The following HNRNPF variants were observed in gnomAD, a reference collection of about 807,000 sequenced individuals.
HNRNPF encodes HnRNP F protein.
HNRNPF carries 2 observed loss-of-function variants against 26.0 expected under a neutral mutation model. That is an observed-to-expected ratio of 0.08 (90% confidence interval 0.03 to 0.24). The LOEUF is 0.24. Among genes scored for constraint, HNRNPF ranks in the 10% least tolerant of loss-of-function variants. The probability of loss-of-function intolerance (pLI) is 1.00; values close to 1 mark genes in which losing one functional copy is unlikely to be tolerated. For missense variants in HNRNPF, 299 were observed against 539.2 expected, an observed-to-expected ratio of 0.55 and a Z score of 4.41; for synonymous variants, 234 against 211.5, an observed-to-expected ratio of 1.11 and a Z score of -0.92.
chr10:43,402,125 T>TAA (rs879636534), intron 1 of HNRNPF, among the ~76,000 whole-genome samples: 2 of 145,842 alleles, frequency 1.4e-5, no homozygotes, highest in African/African-American at 2.5e-5. Flanking sequence ...TTACAAAACT[T>TAA]AAAAAAAAAA....
chr10:43,387,699 T>C lies in HNRNPF; in HGVS notation c.186A>G (p.Gly62=), dbSNP rs1588986441. Residue 62 remains glycine (G), a synonymous_variant, in exon 4 of 4, where the codon GGA becomes GGG. Coordinates refer to ENST00000682386, the MANE Select transcript of HNRNPF (RefSeq NM_001098204.2). This position sits in a 1 kb window ranked among gnomAD's most constrained non-coding sequence, Gnocchi z 6.0. ...GGGCCATTTTTACATCATCTTCTGA[T>C]CCAAGTTCAACAAAAGCCTCACCAC... is the stretch of plus-strand genomic sequence containing the variant. ...RQSGEAFVEL[G]SEDDVKMALK... The C allele has an allele frequency of 6.2e-7, 1 of 1,614,088 alleles. No homozygotes were observed. Among genetic ancestry groups the C allele is most frequent in the South Asian group, 1.1e-5 (1 of 91,072 alleles).
At chr10:43,405,438 C>G (rs1303001908) in intron 1 of HNRNPF, among the ~76,000 whole-genome samples, 3 of 152,240 alleles carry the variant, frequency 2.0e-5, no homozygotes, top group Admixed American at 2.0e-4. Context: ...CGGCGGATCA[C>G]GAGGTCAGGA....
chr10:43,389,830 G>A (rs1008250036), intron 3 of HNRNPF, among the ~76,000 whole-genome samples: 4 of 152,216 alleles, frequency 2.6e-5, no homozygotes, highest in Admixed American at 1.3e-4. Flanking sequence ...GAACATGGAA[G>A]CCTCTGGGAA....
chr10:43,389,303 A>G (rs1045686148), intron 3 of HNRNPF, among the ~76,000 whole-genome samples: 7 of 152,158 alleles, frequency 4.6e-5, no homozygotes, highest in Admixed American at 3.3e-4. Context: ...GTCATTTTAC[A>G]TCAAGCATAA....
chr10:43,388,725 G>A (rs1215325203), intron 3 of HNRNPF, among the ~76,000 whole-genome samples: 23 of 152,210 alleles, frequency 1.5e-4, no homozygotes, highest in Admixed American at 1.5e-3. Context: ...GCAATCGCAA[G>A]AGGGCTGAGA....
In HNRNPF at chr10:43,396,597, C is replaced by G. The variant is rs975106488; in HGVS notation, c.-246-7G>C. 1 of 152,212 alleles carries G rather than the reference C, an allele frequency of 6.6e-6. No individual in the cohort carries two copies. The highest frequency in any genetic ancestry group is 1.5e-5 in the Non-Finnish European group (1 of 68,054). 9.4% of individuals were successfully genotyped at this position (152,212 alleles called of 1,614,324 possible). A position where few individuals can be genotyped will look rare whatever the true frequency, so the allele number is the denominator to read the frequency against. ...GCATGTTTTTGTTCTCAACCTGCAACAGAAATCCAAGTGGTGGTGGGGTCC... is the reference window on the plus strand; with the variant it reads ...GCATGTTTTTGTTCTCAACCTGCAAGAGAAATCCAAGTGGTGGTGGGGTCC... On this transcript the variant is annotated splice_region_variant and splice_polypyrimidine_tract_variant and intron_variant, in intron 1 of 3. Transcript: ENST00000682386.
intron 2 of HNRNPF, among the ~76,000 whole-genome samples, chr10:43,395,912 G>A (rs1838474906): frequency 6.6e-6 from 1 of 152,182 alleles, no homozygotes; most frequent in African/African-American, 2.4e-5. Context: ...CGCACGCAGA[G>A]GAAGAGTCTG....
chr10:43,404,176 T>C (rs1031153486), intron 1 of HNRNPF, among the ~76,000 whole-genome samples: 3 of 150,148 alleles, frequency 2.0e-5, no homozygotes, highest in African/African-American at 7.4e-5. Flanking sequence ...GTGGTGGTGC[T>C]GCACACCTGT....
chr10:43,408,138 G>C (rs1053983574), intron 1 of HNRNPF, among the ~76,000 whole-genome samples: 2 of 152,086 alleles, frequency 1.3e-5, no homozygotes, highest in Non-Finnish European at 2.9e-5. Flanking sequence ...GCCCAGGCTT[G>C]TCGGGAACTC....
At chr10:43,393,366 C>T (rs538012583) in intron 3 of HNRNPF, among the ~76,000 whole-genome samples, 7 of 152,238 alleles carry the variant, frequency 4.6e-5, no homozygotes, top group South Asian at 4.2e-4. Flanking sequence ...GAGGCTGAGG[C>T]GGGCAGGTCA....
At chr10:43,390,063 C>G (rs1838182334) in intron 3 of HNRNPF, among the ~76,000 whole-genome samples, 1 of 152,220 alleles carries the variant, frequency 6.6e-6, no homozygotes, top group African/African-American at 2.4e-5. Flanking sequence ...AGGGCCTTAT[C>G]TAAATCCCCT....
intron 1 of HNRNPF, among the ~76,000 whole-genome samples, chr10:43,401,318 A>G (rs2131986585): frequency 6.6e-6 from 1 of 152,320 alleles, no homozygotes; most frequent in Admixed American, 6.5e-5. Flanking sequence ...TGTTACTAAA[A>G]AGCATCAAGA....
chr10:43,408,372 TC>T (rs1324621256), intron 1 of HNRNPF, among the ~76,000 whole-genome samples: 2 of 152,156 alleles, frequency 1.3e-5, no homozygotes, highest in Non-Finnish European at 2.9e-5. Context: ...ACGCTGCGTC[TC>T]CCGATCCCAG....
chr10:43,397,298 G>C (rs575358711), intron 1 of HNRNPF: 1 of 152,386 alleles, frequency 6.6e-6, no homozygotes, highest in East Asian at 1.9e-4. Context: ...GTGCAGAGGA[G>C]GAAGTGCCAT....
At chr10:43,400,377 G>T (rs1331656746) in intron 1 of HNRNPF, among the ~76,000 whole-genome samples, 1 of 152,126 alleles carries the variant, frequency 6.6e-6, no homozygotes, top group Non-Finnish European at 1.5e-5. Flanking sequence ...GAATCCTTTA[G>T]ATTGAAGAAA....
rs374231673 is a variant in HNRNPF at position 43,386,633 on chromosome 10, A to G, written c.*4T>C. On this transcript the variant is annotated 3_prime_UTR_variant, in exon 4 of 4. Coordinates refer to ENST00000682386, the MANE Select transcript of HNRNPF (RefSeq NM_001098204.2). ...TTGAAGTAACTCAAATGTTCCTAACAAAACTAGTCATAGCCACCCATGCTG... is the reference window on the plus strand; with the variant it reads ...TTGAAGTAACTCAAATGTTCCTAACGAAACTAGTCATAGCCACCCATGCTG... The G allele has an allele frequency of 9.1e-6, 14 of 1,536,546 alleles. No individual in the cohort carries two copies. The highest frequency in any genetic ancestry group is 2.2e-5 in the Admixed American group (1 of 44,572).
At chr10:43,403,819 C>G (rs1318768912) in intron 1 of HNRNPF, among the ~76,000 whole-genome samples, 1 of 150,446 alleles carries the variant, frequency 6.6e-6, no homozygotes, top group African/African-American at 2.5e-5. Flanking sequence ...ATGGCAAAAC[C>G]CCTTCTCTAC....
chr10:43,397,600 G>GT (rs1372005960), intron 1 of HNRNPF, among the ~76,000 whole-genome samples: 8 of 152,052 alleles, frequency 5.3e-5, no homozygotes, highest in Admixed American at 5.2e-4. Flanking sequence ...ACGTACCTTG[G>GT]TTTGTACATT....
chr10:43,386,651 C>T lies in HNRNPF; in HGVS notation c.1234G>A (p.Gly412Ser). The change falls in exon 4 of 4, where the codon GGT (glycine) becomes AGT (serine). Residue 412 changes from glycine to serine, a missense_variant. Coordinates refer to ENST00000682386, the MANE Select transcript of HNRNPF (RefSeq NM_001098204.2). ...TCCTAACAAAACTAGTCATAGCCACCCATGCTGTTCTGCCCACTGTAGCCG... is the reference window on the plus strand; with the variant it reads ...TCCTAACAAAACTAGTCATAGCCACTCATGCTGTTCTGCCCACTGTAGCCG... ...GAGYSGQNSM[G>S]GYD 1.9e-6 allele frequency: 3 copies of T among 1,556,972 alleles called. No homozygotes were observed. Among genetic ancestry groups the T allele is most frequent in the Middle Eastern group, 1.7e-4 (1 of 5,770 alleles).
Sources: allele counts gnomAD v4.1 joint callset (sites outside exome capture counted in the v4.1 genomes callset), GRCh38; gene constraint gnomAD v4.1.1; non-coding constraint Gnocchi (gnomAD v3.1); transcripts MANE v1.5; gene names NCBI Gene and HGNC (gene_info 2026-07-23, HGNC 2026-07-21).